The following ATP8B4 variants were observed in gnomAD, a reference collection of about 807,000 sequenced individuals.
The protein encoded by ATP8B4 is ATPase phospholipid transporting 8B4 (putative), also known as probable phospholipid-transporting ATPase IM.
ATP8B4 carries 133 observed loss-of-function variants against 145.6 expected under a neutral mutation model. The observed-to-expected ratio is 0.91, with a 90% CI of 0.79 to 1.05. ATP8B4 has a LOEUF of 1.05. Among genes scored for constraint, ATP8B4 ranks in the 50% least tolerant of loss-of-function variants. The pLI is 0.00. For synonymous variants in ATP8B4, 507 were observed against 492.9 expected (o/e 1.03, Z -0.38); for missense variants, 1,458 against 1,425.2 (o/e 1.02, Z -0.37).
rs554364821 is a variant in ATP8B4, at chr15:50,034,610, T to C, written c.362+4158A>G. On this transcript the variant is annotated intron_variant, in intron 6 of 27. Transcript: ENST00000284509. ...TAAAGACATGGCTTCAATTAGAGGT[T>C]CTCAAACCTGTCTGTACATTAGATT... Among the ~76,000 whole-genome samples, 18 of 152,286 alleles carry C rather than the reference T, an allele frequency of 1.2e-4. No individual in the cohort carries two copies. In the East Asian group the frequency reaches 2.9e-3, roughly 24 times the overall value.
chr15:50,132,134 T>A (rs1009986726), intron 1 of ATP8B4, among the ~76,000 whole-genome samples: 1 of 152,294 alleles, frequency 6.6e-6, no homozygotes, highest in South Asian at 2.1e-4. Context: ...AACAAGTTAT[T>A]GGCAATATTT....
In ATP8B4 at chr15:49,858,773, C is replaced by T. The variant is rs535565569; in HGVS notation, c.*1421G>A. The stretch of plus-strand genomic sequence containing the variant: ...TATCTTTCTGGCAATTTCATTTTAT[C>T]AAAGCCTTCCTCACTGACTATTTAG... On this transcript the variant is annotated 3_prime_UTR_variant, in exon 28 of 28. Coordinates refer to ENST00000284509, the MANE Select transcript of ATP8B4 (RefSeq NM_024837.4). The T allele has an allele frequency of 6.6e-6, 1 of 152,328 alleles. No individual in the cohort carries two copies. Among genetic ancestry groups the T allele is most frequent in the South Asian group, 2.1e-4 (1 of 4,830 alleles). The allele number at this position is 152,328 out of a possible 1,614,324, so 9.4% of individuals were successfully genotyped here. A position where few individuals can be genotyped will look rare whatever the true frequency, so the allele number is the denominator to read the frequency against.
intron 16 of ATP8B4, 141 bp downstream of exon 16, chr15:49,930,978 G>T (rs1396601275): frequency 1.1e-6 from 1 of 888,264 alleles, no homozygotes; most frequent in Admixed American, 2.8e-5. Context: ...TTGAGGCTAG[G>T]TTGAGCAACA....
intron 16 of ATP8B4, 94 bp from the exon 17 acceptor site, chr15:49,923,588 G>A (rs1405321512): frequency 2.5e-6 from 2 of 808,006 alleles, no homozygotes; most frequent in East Asian, 2.7e-5. Context: ...ATTTGGAAAT[G>A]GGCATAATGT....
intron 6 of ATP8B4, among the ~76,000 whole-genome samples, chr15:50,011,861 A>C (rs1183183814): frequency 6.6e-6 from 1 of 152,084 alleles, no homozygotes; most frequent in Non-Finnish European, 1.5e-5. Flanking sequence ...TTTGCCCAAC[A>C]AGTTGAGGTG....
At chr15:49,937,544 T>C (rs145962940) in intron 14 of ATP8B4, among the ~76,000 whole-genome samples, 66 of 152,246 alleles carry the variant, frequency 4.3e-4, no homozygotes, top group South Asian at 8.3e-4. Context: ...AAAACATGTA[T>C]TGAGTGCCCA....
intron 1 of ATP8B4, among the ~76,000 whole-genome samples, chr15:50,168,031 G>C (rs1341988805): frequency 6.6e-6 from 1 of 151,936 alleles, no homozygotes; most frequent in African/African-American, 2.4e-5. Flanking sequence ...AGATCAACTA[G>C]ATAGAAAAAC....
At chr15:50,138,025 C>G (rs10519261) in intron 1 of ATP8B4, among the ~76,000 whole-genome samples, 24,565 of 152,170 alleles carry the variant, frequency 0.16, 2,247 homozygotes, top group Non-Finnish European at 0.21. Context: ...CTTAGTATCG[C>G]TCTAGCCACT....
intron 15 of ATP8B4, among the ~76,000 whole-genome samples, chr15:49,932,158 T>A (rs1252964008): frequency 6.6e-6 from 1 of 152,020 alleles, no homozygotes; most frequent in East Asian, 1.9e-4. Context: ...TCCAAGATAA[T>A]TGTTAAGTAA....
intron 1 of ATP8B4, among the ~76,000 whole-genome samples, chr15:50,161,270 G>A (rs1249918939): frequency 6.6e-6 from 1 of 152,128 alleles, no homozygotes; most frequent in Admixed American, 6.5e-5. Flanking sequence ...TATAAGTGAA[G>A]TGTGTTTCTT....
At chr15:49,893,752 G>A (rs930439333) in intron 23 of ATP8B4, among the ~76,000 whole-genome samples, 1 of 152,102 alleles carries the variant, frequency 6.6e-6, no homozygotes, top group Admixed American at 6.5e-5. Flanking sequence ...TAGCACTACC[G>A]AACTCTACAC....
intron 11 of ATP8B4, among the ~76,000 whole-genome samples, chr15:49,980,122 G>A (rs564842918): frequency 1.3e-5 from 2 of 152,292 alleles, no homozygotes; most frequent in South Asian, 4.1e-4. Flanking sequence ...ATAGACATGG[G>A]CATGTCTTCT....
chr15:50,029,753 G>C (rs1177409266), intron 6 of ATP8B4, among the ~76,000 whole-genome samples: 1 of 152,168 alleles, frequency 6.6e-6, no homozygotes, highest in East Asian at 1.9e-4. Context: ...GAAGGAGAGG[G>C]AATCATAAAA....
chr15:50,057,091 T>C (rs2052666165), intron 3 of ATP8B4, among the ~76,000 whole-genome samples: 1 of 152,136 alleles, frequency 6.6e-6, no homozygotes, highest in Non-Finnish European at 1.5e-5. Flanking sequence ...GACTAAACAC[T>C]TATGGACAAA....
chr15:50,043,031 C>T (rs2051424031), intron 5 of ATP8B4, among the ~76,000 whole-genome samples: 1 of 152,032 alleles, frequency 6.6e-6, no homozygotes, highest in African/African-American at 2.4e-5. Flanking sequence ...AATTATTAGC[C>T]TACTATATAT....
intron 2 of ATP8B4, among the ~76,000 whole-genome samples, chr15:50,105,017 A>C (rs1007157674): frequency 5.9e-5 from 9 of 152,112 alleles, no homozygotes; most frequent in African/African-American, 2.2e-4. Flanking sequence ...ACCAAACATC[A>C]TATGTCCTCA....
At chr15:50,153,526 AC>A (rs1443339724) in intron 1 of ATP8B4, among the ~76,000 whole-genome samples, 1 of 152,050 alleles carries the variant, frequency 6.6e-6, no homozygotes, top group Non-Finnish European at 1.5e-5. Flanking sequence ...TTTAGTAGAG[AC>A]GGGGTTTCAC....
intron 14 of ATP8B4, among the ~76,000 whole-genome samples, chr15:49,954,684 G>T (rs1373824347): frequency 6.6e-6 from 1 of 152,110 alleles, no homozygotes; most frequent in African/African-American, 2.4e-5. Context: ...ACAGCCATTG[G>T]TGAGGCTGCG....
At chr15:50,049,458 T>C (rs188323932) in intron 3 of ATP8B4, among the ~76,000 whole-genome samples, 3 of 152,334 alleles carry the variant, frequency 2.0e-5, no homozygotes. Flanking sequence ...GCTTCACCCA[T>C]GCTGCTGCAA....
Sources: gnomAD v4.1 joint callset for allele counts (sites outside exome capture counted in the v4.1 genomes callset) on GRCh38, gnomAD v4.1.1 for gene constraint, MANE v1.5 for transcripts, NCBI Gene and HGNC (gene_info 2026-07-23, HGNC 2026-07-21) for gene names.